Variants in GRM7 observed in about 807,000 individuals in gnomAD.
GRM7 encodes the protein metabotropic glutamate receptor 7.
GRM7 carries 35 observed loss-of-function variants against 84.5 expected under a neutral mutation model. The observed-to-expected ratio is 0.41, with a 90% confidence interval of 0.32 to 0.55. The LOEUF is 0.55. Ranked by LOEUF, GRM7 falls within the 20% of genes least tolerant of loss-of-function variation. The pLI is 0.19. For missense variants in GRM7, 1,003 were observed against 1,194.6 expected, an observed-to-expected ratio of 0.84 and a Z score of 2.36; for synonymous variants, 487 against 455.1, an observed-to-expected ratio of 1.07 and a Z score of -0.89.
At chr3:7,283,736 T>A (rs1235883800) in intron 2 of GRM7, among the ~76,000 whole-genome samples, 3 of 152,054 alleles carry the variant, frequency 2.0e-5, no homozygotes, top group Non-Finnish European at 4.4e-5. Flanking sequence ...GCCAAATCAT[T>A]GAAAAATTCT....
intron 6 of GRM7, among the ~76,000 whole-genome samples, chr3:7,453,606 T>G (rs1697870353): frequency 6.6e-6 from 1 of 152,144 alleles, no homozygotes; most frequent in African/African-American, 2.4e-5. Flanking sequence ...AGTAGGAGTT[T>G]CTGTCCTCAG....
intron 1 of GRM7, among the ~76,000 whole-genome samples, chr3:7,049,814 T>C (rs17234879): frequency 0.16 from 24,616 of 151,670 alleles, 2,362 homozygotes; most frequent in Non-Finnish European, 0.22. Context: ...GGGGAGAAGA[T>C]GGAGATTACC....
intron 2 of GRM7, among the ~76,000 whole-genome samples, chr3:7,231,823 T>G (rs1697204451): frequency 6.6e-6 from 1 of 152,168 alleles, no homozygotes; most frequent in Non-Finnish European, 1.5e-5. Context: ...TGTAAAGGTG[T>G]CCCCTTACTG....
intron 1 of GRM7, among the ~76,000 whole-genome samples, chr3:7,133,497 A>T (rs918302551): frequency 3.9e-5 from 6 of 152,204 alleles, no homozygotes; most frequent in African/African-American, 1.2e-4. Context: ...GGCCCCCACA[A>T]CAAAGCATTA....
chr3:7,015,509 A>G (rs905564149), intron 1 of GRM7, among the ~76,000 whole-genome samples: 1 of 152,234 alleles, frequency 6.6e-6, no homozygotes, highest in African/African-American at 2.4e-5. Flanking sequence ...TACATAACAA[A>G]TTAATGCAAA....
intron 1 of GRM7, among the ~76,000 whole-genome samples, chr3:7,026,524 G>A (rs1295626580): frequency 6.6e-6 from 1 of 152,156 alleles, no homozygotes; most frequent in Non-Finnish European, 1.5e-5. Flanking sequence ...GTAAGAAGAG[G>A]ATTAAATTTG....
chr3:7,439,604 C>G (rs532010775), intron 5 of GRM7, among the ~76,000 whole-genome samples: 47 of 152,258 alleles, frequency 3.1e-4, no homozygotes, highest in African/African-American at 1.1e-3. Context: ...TCAAGACATA[C>G]AGGGGTTAGG....
intron 7 of GRM7, among the ~76,000 whole-genome samples, chr3:7,490,452 A>C (rs563725837): frequency 6.6e-6 from 1 of 152,308 alleles, no homozygotes; most frequent in Non-Finnish European, 1.5e-5. Context: ...ATGCAATTCA[A>C]ATGTTCTCCA....
chr3:6,997,910 A>G (rs1207872974), intron 1 of GRM7, among the ~76,000 whole-genome samples: 1 of 151,976 alleles, frequency 6.6e-6, no homozygotes, highest in Non-Finnish European at 1.5e-5. Flanking sequence ...ACCTAAGGTC[A>G]TGAGTACGAG....
chr3:7,106,586 GC>G (rs1311356160), intron 1 of GRM7, among the ~76,000 whole-genome samples: 1 of 151,992 alleles, frequency 6.6e-6, no homozygotes, highest in Admixed American at 6.6e-5. Context: ...CCACAGCTGA[GC>G]TCTAACAAAC....
At chr3:6,901,225 T>A (rs939333023) in intron 1 of GRM7, among the ~76,000 whole-genome samples, 1 of 152,140 alleles carries the variant, frequency 6.6e-6, no homozygotes, top group East Asian at 1.9e-4. Context: ...TACAACAAGA[T>A]CCATCTGAGA....
At chr3:7,297,717 T>A (rs1699859948) in intron 2 of GRM7, among the ~76,000 whole-genome samples, 1 of 152,246 alleles carries the variant, frequency 6.6e-6, no homozygotes, top group Admixed American at 6.5e-5. Flanking sequence ...AAATATCTCC[T>A]AAACACATTA....
intron 1 of GRM7, among the ~76,000 whole-genome samples, chr3:7,086,373 C>A (rs1320136654): frequency 1.0e-5 from 1 of 96,274 alleles, no homozygotes; most frequent in Non-Finnish European, 1.9e-5. Context: ...AGTTAGTATT[C>A]CTTTAAACAC....
At chr3:7,251,741 G>A (rs1697994967) in intron 2 of GRM7, among the ~76,000 whole-genome samples, 2 of 152,062 alleles carry the variant, frequency 1.3e-5, no homozygotes, top group South Asian at 4.1e-4. Flanking sequence ...CATTCTGTGT[G>A]CCCAACCCTG....
intron 2 of GRM7, among the ~76,000 whole-genome samples, chr3:7,156,236 A>T (rs899432213): frequency 6.6e-6 from 1 of 152,216 alleles, no homozygotes; most frequent in Non-Finnish European, 1.5e-5. Flanking sequence ...GGGGAAAGCC[A>T]TGGGGCAAAG....
intron 7 of GRM7, among the ~76,000 whole-genome samples, chr3:7,470,470 G>A (rs1698654722): frequency 2.0e-5 from 3 of 152,148 alleles, no homozygotes; most frequent in South Asian, 2.1e-4. Context: ...CCTTTTGTCA[G>A]CATCTCTCCT....
chr3:7,617,226 T>A (rs1487684989), intron 8 of GRM7, among the ~76,000 whole-genome samples: 1 of 152,040 alleles, frequency 6.6e-6, no homozygotes, highest in African/African-American at 2.4e-5. Context: ...TAGGCATAAA[T>A]AGGTTAACGG....
chr3:7,272,338 T>C (rs1281239231), intron 2 of GRM7, among the ~76,000 whole-genome samples: 1 of 152,194 alleles, frequency 6.6e-6, no homozygotes, highest in Non-Finnish European at 1.5e-5. Context: ...ATCTTTTTTC[T>C]ATAAATAAAG....
At chr3:7,699,400 A>G (rs1338439384) in intron 9 of GRM7, among the ~76,000 whole-genome samples, 1 of 152,182 alleles carries the variant, frequency 6.6e-6, no homozygotes, top group African/African-American at 2.4e-5. Context: ...CACATTTCAA[A>G]CCAGGGGATA....
Sources: allele counts gnomAD v4.1 joint callset (sites outside exome capture counted in the v4.1 genomes callset), GRCh38; gene constraint gnomAD v4.1.1; transcripts MANE v1.5; gene names NCBI Gene and HGNC (gene_info 2026-07-23, HGNC 2026-07-21).